Variants in DIAPH2 observed in about 807,000 individuals in gnomAD.
DIAPH2 encodes the protein diaphanous related formin 2.
DIAPH2 carries 35 observed loss-of-function variants against 92.7 expected under a neutral mutation model. That is an observed-to-expected ratio of 0.38 (90% CI 0.29 to 0.50). The LOEUF (loss-of-function observed/expected upper bound fraction) is 0.50, where lower values mean the gene tolerates loss of function less well. Ranked by LOEUF, DIAPH2 falls within the 20% of genes least tolerant of loss-of-function variation. The probability of loss-of-function intolerance (pLI) is 0.94; values close to 1 mark genes in which losing one functional copy is unlikely to be tolerated. For missense variants in DIAPH2, 701 were observed against 819.5 expected, an observed-to-expected ratio of 0.86 and a Z score of 1.77; for synonymous variants, 301 against 280.4, an observed-to-expected ratio of 1.07 and a Z score of -0.73.
chrX:96,902,320 A>G lies in DIAPH2; in HGVS notation c.588-10008A>G, dbSNP rs1444345177. ...GTACATTTGTTCTAGGATACAGTTT[A>G]TGTCTATTGTTTCTTTGTTGACTTT... On this transcript the variant is annotated intron_variant, in intron 5 of 26. Transcript: ENST00000324765. Among the ~76,000 whole-genome samples the G allele has an allele frequency of 9.9e-5, 11 of 111,188 alleles. No homozygotes were observed. The Admixed American group carries it at 1.0e-3, about 11-fold the overall frequency.
At chrX:97,539,428 A>G (rs910055833) in intron 26 of DIAPH2, among the ~76,000 whole-genome samples, 1 of 112,197 alleles carries the variant, frequency 8.9e-6, no homozygotes, top group East Asian at 2.8e-4. Flanking sequence ...TGGGGTTTTT[A>G]AAAGCCAAAT....
chrX:97,368,899 C>CTTT (rs386417287), intron 24 of DIAPH2, among the ~76,000 whole-genome samples: 19,261 of 51,764 alleles, frequency 0.37, 3,808 homozygotes, highest in Non-Finnish European at 0.42. Flanking sequence ...TCTACCCTTT[C>CTTT]TTTTTTTTTT....
chrX:97,340,212 A>G (rs1165161259), intron 23 of DIAPH2, among the ~76,000 whole-genome samples: 1 of 111,616 alleles, frequency 9.0e-6, no homozygotes, highest in Non-Finnish European at 1.9e-5. Context: ...GTAGTTTCTC[A>G]GGGAACTGTG....
At chrX:96,987,810 A>G (rs1383220830) in intron 17 of DIAPH2, among the ~76,000 whole-genome samples, 6 of 111,021 alleles carry the variant, frequency 5.4e-5, no homozygotes, top group Non-Finnish European at 1.1e-4. Context: ...TGAAGTTTAG[A>G]AATGGGAATA....
rs139738139 is a variant in DIAPH2 at position 96,900,400 on chromosome X, A to G, written c.588-11928A>G. 4.0e-3 allele frequency among the ~76,000 whole-genome samples: 440 copies of G among 111,162 alleles called. 4 individuals are homozygous for G. The highest frequency in any genetic ancestry group is 0.014 in the African/African-American group (429 of 30,551). On this transcript the variant is annotated intron_variant, in intron 5 of 26. Transcript: ENST00000324765. Reference sequence around the variant, plus strand: ...GTCTTTAGGGTTTTCTTGGTATGCAATCATATCATCAGCAAACAGTAACAG... The same window carrying G: ...GTCTTTAGGGTTTTCTTGGTATGCAGTCATATCATCAGCAAACAGTAACAG...
intron 17 of DIAPH2, among the ~76,000 whole-genome samples, chrX:96,981,911 C>T (rs2066000276): frequency 9.0e-6 from 1 of 111,496 alleles, no homozygotes. Context: ...AATTTGTAAC[C>T]TCTGAAGTAC....
intron 22 of DIAPH2, among the ~76,000 whole-genome samples, chrX:97,201,819 C>T (rs1602413585): frequency 9.0e-6 from 1 of 110,717 alleles, no homozygotes; most frequent in Non-Finnish European, 1.9e-5. Context: ...ACAGAGAACA[C>T]CACTAAGATA....
At chrX:96,883,509 T>G (rs1335635916) in intron 5 of DIAPH2, among the ~76,000 whole-genome samples, 1 of 108,565 alleles carries the variant, frequency 9.2e-6, no homozygotes, top group Non-Finnish European at 1.9e-5. Flanking sequence ...GCCTCCCGAG[T>G]AGCTGGGATT....
chrX:97,073,030 G>T lies in DIAPH2; in HGVS notation c.2140G>T (p.Ala714Ser). The T allele has an allele frequency of 8.4e-7, 1 of 1,186,485 alleles. No individual in the cohort carries two copies. Among genetic ancestry groups the T allele is most frequent in the Middle Eastern group, 2.3e-4 (1 of 4,294 alleles). ...KELRILDPKT[A>S]QNLSIFLGSY... ...ACTGAGAATTTTGGATCCCAAAACA[G>T]CTCAGAATCTGTGTATGTAATATTT... Residue 714 changes from alanine (A) to serine (S), a missense_variant, in exon 18 of 27, where the codon GCT (alanine) becomes TCT (serine). This residue lies in a region of DIAPH2 where 536 missense variants were observed against 599.3 expected (regional missense o/e 0.89). Coordinates refer to ENST00000324765, the MANE Select transcript of DIAPH2 (RefSeq NM_006729.5).
At chrX:97,369,839 C>A (rs1403334453) in intron 24 of DIAPH2, among the ~76,000 whole-genome samples, 1 of 110,615 alleles carries the variant, frequency 9.0e-6, no homozygotes, top group Non-Finnish European at 1.9e-5. Context: ...GAATCTGTTC[C>A]CCATACTGCA....
At position 96,918,660 on chromosome X, in the gene DIAPH2, G is replaced by C. The variant is rs763159275; in HGVS notation, c.978+43G>C. The C allele has an allele frequency of 3.2e-6, 3 of 942,711 alleles. No individual in the cohort carries two copies. The South Asian group carries it at 6.6e-5, about 21-fold the overall frequency. 77.7% of individuals were successfully genotyped at this position (942,711 alleles called of 1,213,427 possible). A position where few individuals can be genotyped will look rare whatever the true frequency, so the allele number is the denominator to read the frequency against. On this transcript the variant is annotated intron_variant, in intron 9 of 26. Transcript: ENST00000324765. Reference sequence around the variant, plus strand: ...TAAATTGCTTCTAGAGTTATATTTAGAGTACTCATTTTGTATGACATCAAC... The same window carrying C: ...TAAATTGCTTCTAGAGTTATATTTACAGTACTCATTTTGTATGACATCAAC...
intron 17 of DIAPH2, among the ~76,000 whole-genome samples, chrX:97,010,352 TG>T (rs1287056567): frequency 9.6e-6 from 1 of 103,833 alleles, no homozygotes; most frequent in East Asian, 3.2e-4. Context: ...GGGATAGGGA[TG>T]GGGGGGATGG....
At chrX:97,353,760 G>T in intron 24 of DIAPH2, among the ~76,000 whole-genome samples, 1 of 111,475 alleles carries the variant, frequency 9.0e-6, no homozygotes. Context: ...GATGCTAAAT[G>T]ATATCAAGTA....
intron 26 of DIAPH2, among the ~76,000 whole-genome samples, chrX:97,439,797 G>T (rs375978306): frequency 5.0e-4 from 55 of 110,181 alleles, no homozygotes; most frequent in African/African-American, 1.8e-3. Flanking sequence ...GAAAATCTTT[G>T]TCAACTTCAG....
At chrX:97,406,991 TAAG>T (rs940173052) in intron 25 of DIAPH2, among the ~76,000 whole-genome samples, 2 of 111,371 alleles carry the variant, frequency 1.8e-5, no homozygotes, top group Non-Finnish European at 3.8e-5. Flanking sequence ...TAAAAATAAT[TAAG>T]AATATTAAAA....
At chrX:96,969,891 T>A (rs983200460) in intron 17 of DIAPH2, among the ~76,000 whole-genome samples, 11 of 111,412 alleles carry the variant, frequency 9.9e-5, no homozygotes, top group Admixed American at 3.8e-4. Flanking sequence ...GCTCTTATTA[T>A]TTTGAGGTGT....
intron 17 of DIAPH2, among the ~76,000 whole-genome samples, chrX:97,031,812 G>A (rs2066377016): frequency 8.9e-6 from 1 of 111,836 alleles, no homozygotes; most frequent in Admixed American, 9.5e-5. Flanking sequence ...AGGGAAGTAA[G>A]CAAGAATTCC....
chrX:97,257,130 T>C (rs1262095635), intron 23 of DIAPH2, among the ~76,000 whole-genome samples: 3 of 111,337 alleles, frequency 2.7e-5, no homozygotes, highest in Non-Finnish European at 5.6e-5. Context: ...ATTAATGAAG[T>C]GAGGAATGGA....
chrX:97,231,736 G>A (rs1275747375), intron 22 of DIAPH2, among the ~76,000 whole-genome samples: 2 of 110,787 alleles, frequency 1.8e-5, no homozygotes, highest in African/African-American at 6.6e-5. Flanking sequence ...CATTCCCTCA[G>A]AGAGATAAAA....
Sources: allele counts gnomAD v4.1 joint callset (sites outside exome capture counted in the v4.1 genomes callset), GRCh38; gene constraint gnomAD v4.1.1; regional missense constraint gnomAD v4.1.1; transcripts MANE v1.5; gene names NCBI Gene and HGNC (gene_info 2026-07-23, HGNC 2026-07-21).